TUSC3: variants seen among roughly 807,000 people sequenced by gnomAD.
TUSC3 encodes the protein tumor suppressor candidate 3.
A neutral mutation model predicts 44.8 loss-of-function variants in TUSC3; 45 were observed. The observed-to-expected ratio is 1.00, with a 90% CI of 0.79 to 1.29. The LOEUF (loss-of-function observed/expected upper bound fraction) is 1.29, where lower values mean the gene tolerates loss of function less well. TUSC3 is among the 50% of genes most tolerant of loss of function. The pLI is 0.00. For synonymous variants in TUSC3, 212 were observed against 152.9 expected, an observed-to-expected ratio of 1.39 and a Z score of -2.85; for missense variants, 519 against 437.9, an observed-to-expected ratio of 1.19 and a Z score of -1.65.
the TUSC3 span, among the ~76,000 whole-genome samples, chr8:15,785,877 G>A: frequency 6.6e-6 from 1 of 151,894 alleles, no homozygotes; most frequent in East Asian, 1.9e-4. Context: ...AGACATTTCA[G>A]AAGTTCTATG....
intron 10 of TUSC3, among the ~76,000 whole-genome samples, chr8:15,763,050 T>C (rs1369342118): frequency 2.0e-5 from 3 of 151,980 alleles, no homozygotes; most frequent in African/African-American, 7.2e-5. Context: ...CTAACAAGAG[T>C]AATTTTTCTA....
At chr8:15,575,457 A>G (rs1347268120) in intron 1 of TUSC3, among the ~76,000 whole-genome samples, 2 of 152,156 alleles carry the variant, frequency 1.3e-5, no homozygotes, top group Admixed American at 6.5e-5. Context: ...AGGATAATAT[A>G]TATTTTATTT....
intron 6 of TUSC3, among the ~76,000 whole-genome samples, chr8:15,694,325 C>G (rs1188588017): frequency 6.6e-5 from 10 of 151,556 alleles, no homozygotes; most frequent in African/African-American, 2.4e-4. Flanking sequence ...GCCGTTAATC[C>G]CAGCCACTCA....
chr8:15,769,970 G>C (rs1167675820), downstream of TUSC3, among the ~76,000 whole-genome samples: 1 of 152,184 alleles, frequency 6.6e-6, no homozygotes, highest in Non-Finnish European at 1.5e-5. Context: ...TGGTGGGAGT[G>C]TAAATTAGTT....
chr8:15,466,046 A>C (rs17576874), intron 1 of TUSC3, among the ~76,000 whole-genome samples: 29,094 of 152,188 alleles, frequency 0.19, 3,005 homozygotes, highest in Admixed American at 0.28. Flanking sequence ...TTTAAACTCA[A>C]TATATCCCGC....
intron 2 of TUSC3, among the ~76,000 whole-genome samples, chr8:15,516,050 C>T (rs565864512): frequency 4.6e-5 from 7 of 152,212 alleles, no homozygotes; most frequent in African/African-American, 1.7e-4. Context: ...TTATCCTCAA[C>T]AAGTTTTAGA....
At chr8:15,573,422 G>C (rs1235073466) in intron 1 of TUSC3, among the ~76,000 whole-genome samples, 1 of 151,648 alleles carries the variant, frequency 6.6e-6, no homozygotes. Flanking sequence ...GGAATGGCTA[G>C]GTTGGCTTGC....
At chr8:15,796,952 C>T in the TUSC3 span, among the ~76,000 whole-genome samples, 5 of 152,242 alleles carry the variant, frequency 3.3e-5, no homozygotes, top group East Asian at 3.9e-4. Flanking sequence ...TTATAAAGGG[C>T]GTTATAATTT....
intron 1 of TUSC3, chr8:15,483,355 T>G: frequency 4.3e-6 from 1 of 231,568 alleles, no homozygotes; most frequent in Non-Finnish European, 8.7e-6. Context: ...GTTTTGTTTT[T>G]TTGAGACGGA....
At chr8:15,730,615 A>G in intron 6 of TUSC3, 51 bp from the exon 7 acceptor site, 3 of 1,577,584 alleles carry the variant, frequency 1.9e-6, no homozygotes, top group Non-Finnish European at 8.7e-7. Context: ...AAACTACAAA[A>G]TAATTATGAG....
intron 2 of TUSC3, among the ~76,000 whole-genome samples, chr8:15,528,223 C>T (rs1289342166): frequency 6.6e-6 from 1 of 152,026 alleles, no homozygotes; most frequent in Non-Finnish European, 1.5e-5. Context: ...CATTTCTTTC[C>T]TTGGAAATGA....
chr8:15,458,869 G>T (rs917171206), intron 1 of TUSC3, among the ~76,000 whole-genome samples: 1 of 152,120 alleles, frequency 6.6e-6, no homozygotes, highest in African/African-American at 2.4e-5. Context: ...AGCTTTACAG[G>T]TGGCAAAGTA....
At position 15,658,635 on chromosome 8, in the gene TUSC3, T is replaced by TACACACACAC. The variant is rs1210424677; in HGVS notation, c.427-871_427-870insCACACACACA. 1.6e-4 allele frequency among the ~76,000 whole-genome samples: 18 copies of TACACACACAC among 114,256 alleles called. 1 individual carries two copies. The highest frequency in any genetic ancestry group is 6.0e-4 in the African/African-American group (18 of 29,960). 75.0% of individuals were successfully genotyped at this position (114,256 alleles called of 152,430 possible). On this transcript the variant is annotated intron_variant, in intron 3 of 10. Coordinates refer to ENST00000503731, the MANE Select transcript of TUSC3 (RefSeq NM_006765.4). ...TTTAATTCGTGTATATATACACATA[T>TACACACACAC]ATATACACACACACACACACACACA...
chr8:15,774,547 C>A, the TUSC3 span, among the ~76,000 whole-genome samples: 1 of 152,108 alleles, frequency 6.6e-6, no homozygotes, highest in Non-Finnish European at 1.5e-5. Flanking sequence ...CATGACTTTG[C>A]CAAGACCTTG....
intron 1 of TUSC3, among the ~76,000 whole-genome samples, chr8:15,561,333 G>C (rs1053124123): frequency 6.8e-6 from 1 of 146,094 alleles, no homozygotes. Flanking sequence ...AGGGGTCAGG[G>C]ACCCACTTGA....
At chr8:15,428,048 C>T (rs989347523) in intron 1 of TUSC3, among the ~76,000 whole-genome samples, 14 of 151,452 alleles carry the variant, frequency 9.2e-5, no homozygotes, top group African/African-American at 3.4e-4. Context: ...ATACATGTGC[C>T]ATGTTGGTGT....
the TUSC3 span, among the ~76,000 whole-genome samples, chr8:15,826,881 C>G: frequency 6.6e-6 from 1 of 152,124 alleles, no homozygotes; most frequent in Admixed American, 6.6e-5. Context: ...CCAGCCTTAC[C>G]TGATTGGAGC....
chr8:15,792,589 C>G, the TUSC3 span, among the ~76,000 whole-genome samples: 1 of 151,958 alleles, frequency 6.6e-6, no homozygotes, highest in Non-Finnish European at 1.5e-5. Flanking sequence ...CCTTGTATAC[C>G]TACTATTTCT....
At chr8:15,534,381 C>T (rs1295085612) in intron 2 of TUSC3, among the ~76,000 whole-genome samples, 1 of 152,042 alleles carries the variant, frequency 6.6e-6, no homozygotes, top group Non-Finnish European at 1.5e-5. Context: ...CGGTGACGCA[C>T]ACCTGTAATC....
Sources: allele counts gnomAD v4.1 joint callset (sites outside exome capture counted in the v4.1 genomes callset), GRCh38; gene constraint gnomAD v4.1.1; transcripts MANE v1.5; gene names NCBI Gene and HGNC (gene_info 2026-07-23, HGNC 2026-07-21).